CDC42EP4: variants seen among roughly 807,000 people sequenced by gnomAD.
The protein encoded by CDC42EP4 is CDC42 effector protein 4.
CDC42EP4 carries 6 observed loss-of-function variants against 5.6 expected under a neutral mutation model. That is an observed-to-expected ratio of 1.07 (90% CI 0.59 to 2.12). The LOEUF (loss-of-function observed/expected upper bound fraction) is 2.12, where lower values mean the gene tolerates loss of function less well. Ranked by LOEUF, CDC42EP4 falls within the 30% of genes most tolerant of loss-of-function variation. The pLI is 0.00. For missense variants in CDC42EP4, 490 were observed against 508.6 expected (o/e 0.96, Z 0.35); for synonymous variants, 230 against 224.2 (o/e 1.03, Z -0.23).
rs536914576 is a variant in CDC42EP4, at chr17:73,302,482, A to ATT, written c.-113+9409_-113+9410dup. 1.1e-4 allele frequency among the ~76,000 whole-genome samples: 16 copies of ATT among 147,514 alleles called. No individual in the cohort carries two copies. The East Asian group carries it at 2.6e-3, about 24-fold the overall frequency. ...GTGTGATTAAGGAGCTGAATTTTTA[A>ATT]TTTTTTTTTTTTGAGACAGGGTCTC... On this transcript the variant is annotated intron_variant, in intron 1 of 1. Coordinates refer to ENST00000335793, the MANE Select transcript of CDC42EP4 (RefSeq NM_012121.5).
intron 1 of CDC42EP4, among the ~76,000 whole-genome samples, chr17:73,289,017 C>T (rs1451930070): frequency 6.6e-6 from 1 of 152,232 alleles, no homozygotes; most frequent in African/African-American, 2.4e-5. Context: ...TGACCTTCCC[C>T]TAACTCTAAC....
chr17:73,287,476 C>G (rs554671078), intron 1 of CDC42EP4, among the ~76,000 whole-genome samples: 43 of 152,268 alleles, frequency 2.8e-4, no homozygotes, highest in East Asian at 1.4e-3. Context: ...AGGTGATTCA[C>G]CAGAAATCCA....
intron 1 of CDC42EP4, among the ~76,000 whole-genome samples, chr17:73,299,768 A>C (rs2062209271): frequency 6.6e-6 from 1 of 152,082 alleles, no homozygotes; most frequent in South Asian, 2.1e-4. Context: ...GGAGCCGGTT[A>C]ACCTAAGACT....
intron 1 of CDC42EP4, among the ~76,000 whole-genome samples, chr17:73,288,634 G>A (rs1490068249): frequency 2.6e-5 from 4 of 151,650 alleles, no homozygotes; most frequent in East Asian, 1.9e-4. Context: ...CACATGGTCC[G>A]CCTCCAACCG....
At chr17:73,307,786 G>A (rs1236382059) in intron 1 of CDC42EP4, among the ~76,000 whole-genome samples, 1 of 118,310 alleles carries the variant, frequency 8.5e-6, no homozygotes, top group African/African-American at 3.2e-5. Context: ...TTTTTGAGAT[G>A]GAGTCTCACT....
At chr17:73,310,077 C>T (rs1225412267) in intron 1 of CDC42EP4, 3 of 152,158 alleles carry the variant, frequency 2.0e-5, no homozygotes, top group African/African-American at 7.2e-5. Flanking sequence ...CCTGTTATTG[C>T]CCCAGGAGCC....
At chr17:73,310,233 T>TG in intron 1 of CDC42EP4, 1 of 152,308 alleles carries the variant, frequency 6.6e-6, no homozygotes, top group South Asian at 2.1e-4. Flanking sequence ...ACCCTGCTGG[T>TG]GGTCCCTCCT....
intron 1 of CDC42EP4, among the ~76,000 whole-genome samples, chr17:73,288,792 T>A (rs976984481): frequency 2.0e-5 from 3 of 152,142 alleles, no homozygotes; most frequent in Admixed American, 6.5e-5. Flanking sequence ...CCCAGCCTCA[T>A]GGCTTCCCCC....
intron 1 of CDC42EP4, among the ~76,000 whole-genome samples, chr17:73,298,685 T>C (rs1386305928): frequency 1.3e-5 from 2 of 150,172 alleles, no homozygotes; most frequent in African/African-American, 2.5e-5. Context: ...AGATCTCTAA[T>C]GGGGAAGGCA....
At chr17:73,301,075 C>G (rs1489399939) in intron 1 of CDC42EP4, among the ~76,000 whole-genome samples, 1 of 150,422 alleles carries the variant, frequency 6.6e-6, no homozygotes, top group Non-Finnish European at 1.5e-5. Context: ...AAAAAAAAAT[C>G]TGGCAAGTCC....
At chr17:73,308,504 A>C (rs1276006908) in intron 1 of CDC42EP4, among the ~76,000 whole-genome samples, 2 of 152,214 alleles carry the variant, frequency 1.3e-5, no homozygotes, top group Non-Finnish European at 2.9e-5. Context: ...ACTTACTGCT[A>C]ACCAAGTGCA....
intron 1 of CDC42EP4, among the ~76,000 whole-genome samples, chr17:73,288,738 A>G (rs1286356299): frequency 6.6e-6 from 1 of 152,008 alleles, no homozygotes; most frequent in Non-Finnish European, 1.5e-5. Flanking sequence ...ACCTCTCTGC[A>G]TCCTCACCCC....
rs1317982117 is a variant in CDC42EP4 at position 73,285,859 on chromosome 17, C to A, written c.642G>T (p.Gly214=). 3.1e-6 allele frequency: 5 copies of A among 1,613,940 alleles called. No individual in the cohort carries two copies. The highest frequency in any genetic ancestry group is 4.2e-6 in the Non-Finnish European group (5 of 1,180,010). The part of the protein sequence containing the change: ...ESIMSFHIDL[G]PSMLGDVLSI... ...TGAGGACGTCACCCAGCATGGAGGG[C>A]CCCAGGTCGATGTGGAAGGACATGA... The change falls in exon 2 of 2, where the codon GGG becomes GGT. Residue 214 remains glycine, a synonymous_variant. Coordinates refer to ENST00000335793, the MANE Select transcript of CDC42EP4 (RefSeq NM_012121.5). This position sits in a 1 kb window ranked among gnomAD's most constrained non-coding sequence, Gnocchi z 6.8.
chr17:73,303,662 C>CAAA (rs542149787), intron 1 of CDC42EP4, among the ~76,000 whole-genome samples: 3 of 83,918 alleles, frequency 3.6e-5, no homozygotes, highest in Non-Finnish European at 7.6e-5. Context: ...ACTCTGTCTC[C>CAAA]AAAAAAAAAA....
chr17:73,306,477 C>G (rs902999466), intron 1 of CDC42EP4, among the ~76,000 whole-genome samples: 1 of 152,082 alleles, frequency 6.6e-6, no homozygotes, highest in Non-Finnish European at 1.5e-5. Flanking sequence ...TCCAGCCTGG[C>G]CAACACAGCA....
intron 1 of CDC42EP4, among the ~76,000 whole-genome samples, chr17:73,289,129 G>C (rs1384040436): frequency 6.6e-6 from 1 of 152,102 alleles, no homozygotes; most frequent in African/African-American, 2.4e-5. Context: ...TTTGCAAAGG[G>C]CCAGAGAGTA....
chr17:73,303,072 G>A (rs1209395334), intron 1 of CDC42EP4, among the ~76,000 whole-genome samples: 2 of 143,636 alleles, frequency 1.4e-5, no homozygotes, highest in East Asian at 2.1e-4. Context: ...GGCCAGGCGC[G>A]GTGGCTCACG....
intron 1 of CDC42EP4, among the ~76,000 whole-genome samples, chr17:73,288,758 C>T (rs1380481119): frequency 6.6e-6 from 1 of 152,206 alleles, no homozygotes; most frequent in Non-Finnish European, 1.5e-5. Context: ...CCATCCGCTT[C>T]CCTGTTCTCT....
chr17:73,308,786 G>A (rs1029232530), intron 1 of CDC42EP4, among the ~76,000 whole-genome samples: 2 of 152,026 alleles, frequency 1.3e-5, no homozygotes, highest in African/African-American at 4.8e-5. Flanking sequence ...TGTAATCCCG[G>A]CTCTTGGGGA....
Sources: allele counts gnomAD v4.1 joint callset (sites outside exome capture counted in the v4.1 genomes callset), GRCh38; gene constraint gnomAD v4.1.1; non-coding constraint Gnocchi (gnomAD v3.1); transcripts MANE v1.5; gene names NCBI Gene and HGNC (gene_info 2026-07-23, HGNC 2026-07-21).